Variants in ARHGEF18 observed in about 807,000 individuals in gnomAD.
ARHGEF18 encodes the protein Rho/Rac guanine nucleotide exchange factor 18, also known as rho guanine nucleotide exchange factor 18.
A neutral mutation model predicts 155.7 loss-of-function variants in ARHGEF18; 93 were observed. The ratio of observed to expected loss-of-function variants is 0.60; its 90% CI spans 0.50 to 0.71. ARHGEF18 has a LOEUF of 0.71. Ranked by LOEUF, ARHGEF18 falls within the 30% of genes least tolerant of loss-of-function variation. The probability of loss-of-function intolerance (pLI) is 0.00; values close to 1 mark genes in which losing one functional copy is unlikely to be tolerated. For synonymous variants in ARHGEF18, 742 were observed against 753.1 expected (o/e 0.99, Z 0.24); for missense variants, 1,593 against 1,816.1 (o/e 0.88, Z 2.23).
chr19:7,451,849 G>A (rs1355205671), intron 16 of ARHGEF18, among the ~76,000 whole-genome samples: 1 of 152,060 alleles, frequency 6.6e-6, no homozygotes, highest in Non-Finnish European at 1.5e-5. Context: ...AGACTCCCGA[G>A]TAGCTAGGAC....
At chr19:7,363,942 A>T (rs1969754944) in intron 2 of ARHGEF18, among the ~76,000 whole-genome samples, 1 of 150,778 alleles carries the variant, frequency 6.6e-6, no homozygotes, top group Non-Finnish European at 1.5e-5. Context: ...AGAATGAAGG[A>T]AGGATAGATA....
chr19:7,404,444 G>A (rs983289597), intron 10 of ARHGEF18, among the ~76,000 whole-genome samples: 3 of 150,744 alleles, frequency 2.0e-5, no homozygotes, highest in Non-Finnish European at 4.4e-5. Flanking sequence ...GGCTGAGGCA[G>A]GAGGATCTCT....
rs1195905790 is a variant in ARHGEF18 at position 7,440,526 on chromosome 19, TC to T, written c.1106+48del. The T allele has an allele frequency of 5.1e-6, 8 of 1,556,934 alleles. No individual in the cohort carries two copies. Among genetic ancestry groups the T allele is most frequent in the Middle Eastern group, 2.1e-4 (1 of 4,776 alleles). On this transcript the variant is annotated intron_variant, in intron 11 of 28. Transcript: ENST00000668164. This position sits in a 1 kb window ranked among gnomAD's most constrained non-coding sequence, Gnocchi z 5.4. ...TGTGCCCTCGGGTGGGTGGTGGCAT[TC>T]CCCGGGGAGCTGTTGACAGCCTCTT...
rs71179109 is a variant in ARHGEF18 at position 7,416,605 on chromosome 19, G to GTT, written c.968-23725_968-23724dup. Among the ~76,000 whole-genome samples, 294 of 90,452 alleles carry GTT rather than the reference G, an allele frequency of 3.3e-3. 44 individuals carry two copies. The East Asian group carries it at 0.066, about 20-fold the overall frequency. The allele number at this position is 90,452 out of a possible 152,430, so 59.3% of individuals were successfully genotyped here. ...TTGGGGTGGATGATATTTTATTTGGGTTTTTTTTTTTTTTTGAGACAGAGT... is the reference window on the plus strand; with the variant it reads ...TTGGGGTGGATGATATTTTATTTGGGTTTTTTTTTTTTTTTTTGAGACAGAGT... On this transcript the variant is annotated intron_variant, in intron 10 of 28. Transcript: ENST00000668164.
intron 6 of ARHGEF18, 53 bp downstream of exon 6, chr19:7,378,504 G>A: frequency 1.6e-6 from 2 of 1,229,196 alleles, no homozygotes; most frequent in East Asian, 3.2e-5. Context: ...AGGCCACAAA[G>A]TCAGGGCTGC....
intron 2 of ARHGEF18, among the ~76,000 whole-genome samples, chr19:7,372,590 G>T (rs1383254135): frequency 6.6e-6 from 1 of 152,200 alleles, no homozygotes. Flanking sequence ...GTCCTTTTGT[G>T]GGGGTGAGCT....
intron 10 of ARHGEF18, among the ~76,000 whole-genome samples, chr19:7,423,949 T>C: frequency 6.6e-6 from 1 of 152,140 alleles, no homozygotes; most frequent in Admixed American, 6.6e-5. Context: ...GCAAGCCATG[T>C]GAAAACTGAC....
chr19:7,424,481 G>T (rs1600392113), intron 10 of ARHGEF18, among the ~76,000 whole-genome samples: 1 of 152,134 alleles, frequency 6.6e-6, no homozygotes, highest in African/African-American at 2.4e-5. Flanking sequence ...TATGAAATTG[G>T]AATGCCTCGA....
chr19:7,441,495 A>T (rs1454321303), intron 11 of ARHGEF18, among the ~76,000 whole-genome samples, 158 bp from the exon 12 acceptor site: 1 of 152,094 alleles, frequency 6.6e-6, no homozygotes, highest in Non-Finnish European at 1.5e-5. Flanking sequence ...CCCAATTTTT[A>T]AAAATGATCT....
chr19:7,470,460 G>A lies in ARHGEF18; in HGVS notation c.*162G>A, dbSNP rs1976959048. The A allele has an allele frequency of 3.4e-6, 2 of 590,368 alleles. No individual in the cohort carries two copies. Among genetic ancestry groups the A allele is most frequent in the Admixed American group, 8.7e-5 (2 of 22,960 alleles). The allele number at this position is 590,368 out of a possible 1,614,324, so 36.6% of individuals were successfully genotyped here. On this transcript the variant is annotated 3_prime_UTR_variant, in exon 29 of 29. Coordinates refer to ENST00000668164, the MANE Select transcript of ARHGEF18 (RefSeq NM_001367823.1). The surrounding 1 kb of genome is among the most constrained non-coding windows in gnomAD (Gnocchi z 5.9). Reference sequence around the variant, plus strand: ...AGGGGCCAGCCTGTCGGTGCTCTGGGCCTTGCAGCTGTTTCTGTAGGGTTA... The same window carrying A: ...AGGGGCCAGCCTGTCGGTGCTCTGGACCTTGCAGCTGTTTCTGTAGGGTTA...
intron 17 of ARHGEF18, among the ~76,000 whole-genome samples, chr19:7,455,644 T>C (rs1325786613): frequency 6.6e-6 from 1 of 152,062 alleles, no homozygotes; most frequent in Non-Finnish European, 1.5e-5. Flanking sequence ...GAGGGAGAGA[T>C]GTTGTATTAG....
In ARHGEF18 at chr19:7,459,172, A is replaced by C. The variant is rs946399401; in HGVS notation, c.2360+482A>C. ...CGATTCTGCTGCCTCAGCCTCCCCG[A>C]GTAGCTGGGATTACAGGCGTGAGCC... is the stretch of plus-strand genomic sequence containing the variant. On this transcript the variant is annotated intron_variant, in intron 19 of 28. Transcript: ENST00000668164. Among the ~76,000 whole-genome samples, 3 of 151,776 alleles carry C rather than the reference A, an allele frequency of 2.0e-5. No individual in the cohort carries two copies. The East Asian group carries it at 5.8e-4, about 29-fold the overall frequency.
chr19:7,473,880 G>A (rs1977146227), downstream of ARHGEF18, among the ~76,000 whole-genome samples: 1 of 151,168 alleles, frequency 6.6e-6, no homozygotes, highest in African/African-American at 2.4e-5. Context: ...CTACACAGGA[G>A]GCCAAGGCAG....
At chr19:7,466,191 C>T (rs1271372730) in intron 23 of ARHGEF18, among the ~76,000 whole-genome samples, 1 of 151,960 alleles carries the variant, frequency 6.6e-6, no homozygotes, top group African/African-American at 2.4e-5. Context: ...CGAGACCAGC[C>T]TGACCAACAT....
intron 10 of ARHGEF18, among the ~76,000 whole-genome samples, chr19:7,410,082 C>G (rs1246821951): frequency 1.3e-5 from 2 of 151,976 alleles, no homozygotes; most frequent in Non-Finnish European, 2.9e-5. Flanking sequence ...GCCATCATGC[C>G]CGGCCTGTGA....
At chr19:7,369,579 A>C (rs1970107176) in intron 2 of ARHGEF18, among the ~76,000 whole-genome samples, 1 of 151,932 alleles carries the variant, frequency 6.6e-6, no homozygotes, top group Non-Finnish European at 1.5e-5. Context: ...CAGGTGAATC[A>C]TGAGGTCAGG....
chr19:7,424,878 C>T (rs1416790763), intron 10 of ARHGEF18, among the ~76,000 whole-genome samples: 1 of 151,876 alleles, frequency 6.6e-6, no homozygotes, highest in Non-Finnish European at 1.5e-5. Flanking sequence ...CCTGTAATCC[C>T]AGCTACTTGG....
Position 7,469,949 on chromosome 19 carries a change from G to T in ARHGEF18, c.3833G>T (p.Gly1278Val), listed in dbSNP as rs1976915132. 3.1e-6 allele frequency: 5 copies of T among 1,613,132 alleles called. No individual in the cohort carries two copies. The highest frequency in any genetic ancestry group is 2.5e-6 in the Non-Finnish European group (3 of 1,179,906). ...CAGCTGCTGCTCAACAAGCTCATGG[G>T]GAAAGATGAGAGCACCTCACGGAAC... Reference protein sequence around the residue: ...KQQLLLNKLMGKDESTSRNRR... With the variant: ...KQQLLLNKLMVKDESTSRNRR... The change falls in exon 28 of 29, where the codon GGG (glycine) becomes GTG (valine). Residue 1278 changes from glycine (G) to valine (V), a missense_variant. Physicochemically the swap from Gly to Val is moderately radical, Grantham distance 109 (BLOSUM62 -3). Transcript: ENST00000668164.
rs368896153 is a variant in ARHGEF18, at chr19:7,440,269, G to A, written c.968-75G>A. The stretch of plus-strand genomic sequence containing the variant: ...TCTGTGCTGCGGCCGCAGTCGGAGC[G>A]GGGCTTCCGCGCCGGGGACCTCCGC... On this transcript the variant is annotated intron_variant, in intron 10 of 28. Transcript: ENST00000668164. The surrounding 1 kb of genome is among the most constrained non-coding windows in gnomAD (Gnocchi z 5.4). 4.9e-5 allele frequency: 77 copies of A among 1,560,254 alleles called. No individual in the cohort carries two copies. Among genetic ancestry groups the A allele is most frequent in the Non-Finnish European group, 6.5e-5 (75 of 1,152,372 alleles).
Sources: allele counts gnomAD v4.1 joint callset (sites outside exome capture counted in the v4.1 genomes callset), GRCh38; gene constraint gnomAD v4.1.1; non-coding constraint Gnocchi (gnomAD v3.1); transcripts MANE v1.5; gene names NCBI Gene and HGNC (gene_info 2026-07-23, HGNC 2026-07-21).